TMEM63A: variants seen among roughly 807,000 people sequenced by gnomAD.
The protein encoded by TMEM63A is transmembrane protein 63A.
Under a neutral mutation model 100.6 loss-of-function variants are expected in TMEM63A, and 76 were observed. That is an observed-to-expected ratio of 0.76 (90% CI 0.63 to 0.91). The LOEUF is 0.91. Among genes scored for constraint, TMEM63A ranks in the 40% least tolerant of loss-of-function variants. The probability of loss-of-function intolerance (pLI) is 0.00; values close to 1 mark genes in which losing one functional copy is unlikely to be tolerated. For missense variants in TMEM63A, 876 were observed against 1,008.8 expected (o/e 0.87, Z 1.78); for synonymous variants, 401 against 401.1 (o/e 1.00, Z 0.00).
chr1:225,852,860 G>A, intron 19 of TMEM63A, 91 bp from the exon 20 acceptor site: 1 of 1,179,808 alleles, frequency 8.5e-7, no homozygotes, highest in Non-Finnish European at 1.2e-6. Flanking sequence ...GAGCAGGGTG[G>A]AGGAGGACTT....
intron 4 of TMEM63A, among the ~76,000 whole-genome samples, chr1:225,873,022 C>A (rs1265985147): frequency 6.6e-6 from 1 of 152,116 alleles, no homozygotes; most frequent in Admixed American, 6.6e-5. Flanking sequence ...TCTCCTATTC[C>A]TGGTTCTACT....
intron 2 of TMEM63A, among the ~76,000 whole-genome samples, chr1:225,878,256 C>T (rs1670913685): frequency 6.6e-6 from 1 of 152,140 alleles, no homozygotes; most frequent in East Asian, 1.9e-4. Context: ...GAATTGAATC[C>T]CAAACCCAAT....
At chr1:225,842,585 ATTG>A (rs373026463), downstream of TMEM63A, 1,330 of 840,438 alleles carry the variant, frequency 1.6e-3, 14 homozygotes, top group African/African-American at 0.019. Flanking sequence ...AGCAAATTCT[ATTG>A]TTGGCTTTCT....
intron 20 of TMEM63A, among the ~76,000 whole-genome samples, chr1:225,850,951 T>C (rs1008044524): frequency 6.6e-6 from 1 of 152,146 alleles, no homozygotes; most frequent in Non-Finnish European, 1.5e-5. Flanking sequence ...GACCTCGTGA[T>C]CCGCCCACCT....
chr1:225,860,666 G>T, intron 14 of TMEM63A, 194 bp downstream of exon 14: 1 of 469,356 alleles, frequency 2.1e-6, no homozygotes, highest in Non-Finnish European at 3.5e-6. Context: ...TGCTAGGGAG[G>T]AACACTGGAG....
chr1:225,852,492 A>G (rs1669396047), intron 20 of TMEM63A, among the ~76,000 whole-genome samples, 172 bp downstream of exon 20: 1 of 152,216 alleles, frequency 6.6e-6, no homozygotes, highest in African/African-American at 2.4e-5. Context: ...AAACAAAAAA[A>G]GAAAGAAATG....
chr1:225,863,716 C>T (rs919219008), intron 10 of TMEM63A, among the ~76,000 whole-genome samples: 4 of 151,752 alleles, frequency 2.6e-5, no homozygotes, highest in African/African-American at 9.7e-5. Context: ...CAGGAGTTTG[C>T]GACCAGCCTG....
intron 3 of TMEM63A, among the ~76,000 whole-genome samples, chr1:225,876,615 C>T (rs1670814508): frequency 1.3e-5 from 2 of 151,874 alleles, no homozygotes; most frequent in Non-Finnish European, 2.9e-5. Flanking sequence ...GCTGAAGGTA[C>T]GCTCTAAGAA....
chr1:225,866,074 C>T (rs1356638483), intron 9 of TMEM63A, 107 bp from the exon 10 acceptor site: 31 of 1,159,262 alleles, frequency 2.7e-5, no homozygotes, highest in Non-Finnish European at 3.9e-5. Context: ...AACAGGAAAT[C>T]AGAAGGCTCC....
intron 23 of TMEM63A, 78 bp from the exon 24 acceptor site, chr1:225,847,291 C>T: frequency 1.3e-6 from 2 of 1,530,782 alleles, no homozygotes; most frequent in Non-Finnish European, 1.8e-6. Flanking sequence ...TGCCCTTCTC[C>T]CAACAGGACA....
At chr1:225,875,952 G>C (rs1415181429) in intron 3 of TMEM63A, among the ~76,000 whole-genome samples, 4 of 151,196 alleles carry the variant, frequency 2.6e-5, no homozygotes, top group Non-Finnish European at 4.4e-5. Flanking sequence ...TGTAGTCCCA[G>C]CTATGCAGGA....
Position 225,862,758 on chromosome 1 carries a change from G to A in TMEM63A, c.827+13C>T, listed in dbSNP as rs750237520. On this transcript the variant is annotated intron_variant, in intron 11 of 24. Coordinates refer to ENST00000366835, the MANE Select transcript of TMEM63A (RefSeq NM_014698.3). The surrounding 1 kb of genome is among the most constrained non-coding windows in gnomAD (Gnocchi z 5.1). ...AAGGAGGGGGCATCTTGCAAGGCCCGCCCACCACTCACTTCTCCTTGCACA... is the reference window on the plus strand; with the variant it reads ...AAGGAGGGGGCATCTTGCAAGGCCCACCCACCACTCACTTCTCCTTGCACA... 8.1e-5 allele frequency: 131 copies of A among 1,613,750 alleles called. 1 individual carries two copies. The highest frequency in any genetic ancestry group is 6.9e-4 in the East Asian group (31 of 44,864).
chr1:225,870,535 G>T (rs1003603407), intron 6 of TMEM63A, among the ~76,000 whole-genome samples: 1 of 151,048 alleles, frequency 6.6e-6, no homozygotes, highest in Non-Finnish European at 1.5e-5. Context: ...TTCTCTCCAT[G>T]GGCCCCATTG....
Position 225,881,813 on chromosome 1 carries a change from C to T in TMEM63A, c.-206+491G>A, listed in dbSNP as rs180990991. Among the ~76,000 whole-genome samples, 352 of 152,260 alleles carry T rather than the reference C, an allele frequency of 2.3e-3. 1 individual carries two copies. The highest frequency in any genetic ancestry group is 0.01 in the Middle Eastern group (3 of 294). ...TCCGCCCCCGCCCTTCCCCCCAGTC[C>T]CCGAGTCCCCAGCCTCCCTCCTCAG... is the stretch of plus-strand genomic sequence containing the variant. On this transcript the variant is annotated intron_variant, in intron 1 of 24. Transcript: ENST00000366835.
rs1020043521 is a variant in TMEM63A at position 225,867,942 on chromosome 1, T to A, written c.460A>T (p.Ser154Cys). The change falls in exon 7 of 25, where the codon AGC (serine) becomes TGC (cysteine). Residue 154 changes from serine to cysteine, a missense_variant. By Grantham distance (112) the Ser-to-Cys change is moderately radical. This residue lies in a region of TMEM63A where 487 missense variants were observed against 581.9 expected (regional missense o/e 0.84). Coordinates refer to ENST00000366835, the MANE Select transcript of TMEM63A (RefSeq NM_014698.3). This position sits in a 1 kb window ranked among gnomAD's most constrained non-coding sequence, Gnocchi z 4.6. ...AGGATGACACACAGGGACAAAAAGC[T>A]GACCACCACCAACAGGAAGATGATG... ...RHIIFLLVVV[S>C]FLSLCVILPV... The A allele has an allele frequency of 1.2e-6, 2 of 1,614,160 alleles. No individual in the cohort carries two copies. The highest frequency in any genetic ancestry group is 2.7e-5 in the African/African-American group (2 of 75,020).
In TMEM63A at chr1:225,862,969, T is replaced by C; in HGVS notation, c.747-118A>G. ...GCAGAGTGATCTCGCTGCTGGTTTC[T>C]GTGCCAGCGGAGACCTCTCTTCTCT... On this transcript the variant is annotated intron_variant, in intron 10 of 24. Coordinates refer to ENST00000366835, the MANE Select transcript of TMEM63A (RefSeq NM_014698.3). The surrounding 1 kb of genome is among the most constrained non-coding windows in gnomAD (Gnocchi z 5.1). 1 of 961,688 alleles carries C rather than the reference T, an allele frequency of 1.0e-6. No homozygotes were observed. Among genetic ancestry groups the C allele is most frequent in the Non-Finnish European group, 1.6e-6 (1 of 614,292 alleles). The allele number at this position is 961,688 out of a possible 1,614,324, so 59.6% of individuals were successfully genotyped here.
rs2102620275 is a variant in TMEM63A, at chr1:225,862,097, C to T, written c.1085+121G>A. 4 of 1,434,012 alleles carry T rather than the reference C, an allele frequency of 2.8e-6. No homozygotes were observed. The East Asian group carries it at 7.3e-5, about 26-fold the overall frequency. The allele number at this position is 1,434,012 out of a possible 1,614,324, so 88.8% of individuals were successfully genotyped here. The stretch of plus-strand genomic sequence containing the variant: ...GTAGCTGAGGGAGGAGAAGGAAACA[C>T]CACAGATAAATCCCAGGGATGGTGG... On this transcript the variant is annotated intron_variant, in intron 13 of 24. Transcript: ENST00000366835. This position sits in a 1 kb window ranked among gnomAD's most constrained non-coding sequence, Gnocchi z 5.1.
intron 18 of TMEM63A, among the ~76,000 whole-genome samples, chr1:225,854,999 C>T (rs1179764871): frequency 6.6e-6 from 1 of 152,222 alleles, no homozygotes; most frequent in Non-Finnish European, 1.5e-5. Context: ...GGTCACTGGA[C>T]TTGTCAATCT....
downstream of TMEM63A, chr1:225,844,457 AT>A (rs781613747): frequency 0.042 from 68,310 of 1,613,566 alleles, 1,618 homozygotes; most frequent in Middle Eastern, 0.064. Flanking sequence ...ACACAACTGC[AT>A]GTGGCACTGA....
Sources: gnomAD v4.1 joint callset for allele counts (sites outside exome capture counted in the v4.1 genomes callset) on GRCh38, gnomAD v4.1.1 for gene constraint, gnomAD v4.1.1 regional missense constraint, Gnocchi (gnomAD v3.1) non-coding constraint, MANE v1.5 for transcripts, NCBI Gene and HGNC (gene_info 2026-07-23, HGNC 2026-07-21) for gene names.